The following BLTP1 variants were observed in gnomAD, a reference collection of about 807,000 sequenced individuals.
The protein encoded by BLTP1 is bridge-like lipid transfer protein family member 1.
At chr4:122,194,684 TTAAA>T in the BLTP1 span, 23 of 881,182 alleles carry the variant, frequency 2.6e-5, no homozygotes, top group Non-Finnish European at 3.0e-5. Flanking sequence ...TTTTTAGCAC[TTAAA>T]TAAAGTGTGA....
At chr4:122,315,323 C>A in the BLTP1 span, 95 of 1,138,760 alleles carry the variant, frequency 8.3e-5, no homozygotes, top group African/African-American at 1.4e-3. Context: ...ATAGAGAAAT[C>A]AATCCTGTAG....
the BLTP1 span, chr4:122,223,032 GATA>G: frequency 4.6e-6 from 4 of 876,662 alleles, no homozygotes; most frequent in African/African-American, 3.6e-5. Context: ...AGCGTCAGAA[GATA>G]ACTTTCTTGA....
At chr4:122,330,287 CTT>C in the BLTP1 span, among the ~76,000 whole-genome samples, 1 of 151,790 alleles carries the variant, frequency 6.6e-6, no homozygotes, top group African/African-American at 2.4e-5. Context: ...ACTGTAATCT[CTT>C]GAGGAATCTC....
the BLTP1 span, among the ~76,000 whole-genome samples, chr4:122,338,659 C>G: frequency 6.6e-6 from 1 of 152,060 alleles, no homozygotes; most frequent in Admixed American, 6.6e-5. Context: ...CACACATACT[C>G]AAGTACCGCA....
At chr4:122,175,253 A>G in the BLTP1 span, 1 of 984,972 alleles carries the variant, frequency 1.0e-6, no homozygotes, top group Non-Finnish European at 1.2e-6. Flanking sequence ...ACTTAAAACT[A>G]GAGGAGACAA....
chr4:122,237,908 G>A, the BLTP1 span: 16 of 243,146 alleles, frequency 6.6e-5, no homozygotes, highest in African/African-American at 2.1e-4. Flanking sequence ...TCTTGAACCC[G>A]GGAGGCAGAG....
At chr4:122,361,231 A>AACAAG in the BLTP1 span, among the ~76,000 whole-genome samples, 3 of 152,358 alleles carry the variant, frequency 2.0e-5, no homozygotes, top group South Asian at 2.1e-4. Flanking sequence ...TAAAGCTGAT[A>AACAAG]ACAAGACATG....
the BLTP1 span, chr4:122,249,595 G>A: frequency 6.2e-7 from 1 of 1,613,738 alleles, no homozygotes; most frequent in Non-Finnish European, 8.5e-7. Flanking sequence ...TCAGCAAGCT[G>A]TTCCAGATGT....
chr4:122,240,461 G>GTCTCTCTCTC, the BLTP1 span: 1 of 925,618 alleles, frequency 1.1e-6, no homozygotes, highest in Non-Finnish European at 1.6e-6. Flanking sequence ...CTTTCTGAGA[G>GTCTCTCTCTC]AGAGACTTTC....
At chr4:122,155,950 G>A in the BLTP1 span, 94 of 922,694 alleles carry the variant, frequency 1.0e-4, 1 homozygote, top group South Asian at 4.1e-3. Context: ...ATGAAGTCAG[G>A]GTAGTTTCTA....
chr4:122,289,461 G>A, the BLTP1 span: 23 of 976,070 alleles, frequency 2.4e-5, no homozygotes, highest in Non-Finnish European at 2.6e-5. Context: ...CTTACAGTAT[G>A]TCTATTAACC....
At chr4:122,157,760 C>CT in the BLTP1 span, among the ~76,000 whole-genome samples, 1 of 152,142 alleles carries the variant, frequency 6.6e-6, no homozygotes, top group East Asian at 1.9e-4. Context: ...AGACCAACAG[C>CT]TTTTTTTGTC....
At chr4:122,152,927 G>T in the BLTP1 span, 2 of 923,034 alleles carry the variant, frequency 2.2e-6, no homozygotes, top group Non-Finnish European at 2.6e-6. Flanking sequence ...AGCCTTGCCA[G>T]CTGCACTGGG....
At chr4:122,209,125 T>C in the BLTP1 span, 1 of 1,565,314 alleles carries the variant, frequency 6.4e-7, no homozygotes, top group Admixed American at 1.9e-5. Flanking sequence ...ATGCACTAAT[T>C]TTATTACTTT....
the BLTP1 span, among the ~76,000 whole-genome samples, chr4:122,182,211 T>G: frequency 6.6e-6 from 1 of 152,124 alleles, no homozygotes; most frequent in African/African-American, 2.4e-5. Flanking sequence ...TTCAAGACAT[T>G]GACAGAAATT....
At chr4:122,316,721 T>G in the BLTP1 span, 1 of 1,601,448 alleles carries the variant, frequency 6.2e-7, no homozygotes. Flanking sequence ...GATACACTTT[T>G]GACTTTTCAG....
At chr4:122,287,935 A>G in the BLTP1 span, among the ~76,000 whole-genome samples, 1 of 152,168 alleles carries the variant, frequency 6.6e-6, no homozygotes, top group African/African-American at 2.4e-5. Flanking sequence ...AAAATACACG[A>G]ATACAGTGTA....
the BLTP1 span, chr4:122,349,691 C>T: frequency 1.3e-5 from 20 of 1,558,168 alleles, no homozygotes; most frequent in Non-Finnish European, 1.7e-5. This position sits in a 1 kb window ranked among gnomAD's most constrained non-coding sequence, Gnocchi z 4.5. Context: ...CTGTTCTCAA[C>T]ATATTGTCTA....
the BLTP1 span, chr4:122,243,299 A>T: frequency 1.6e-6 from 1 of 619,680 alleles, no homozygotes; most frequent in South Asian, 7.2e-5. Flanking sequence ...GACTAATAAG[A>T]CTTCAGTATC....
Sources: allele counts gnomAD v4.1 joint callset (sites outside exome capture counted in the v4.1 genomes callset), GRCh38; gene constraint gnomAD v4.1.1; non-coding constraint Gnocchi (gnomAD v3.1); transcripts MANE v1.5; gene names NCBI Gene and HGNC (gene_info 2026-07-23, HGNC 2026-07-21).